Variants in ARHGAP39 observed in about 807,000 individuals in gnomAD.
ARHGAP39 encodes the protein Rho GTPase activating protein 39, also known as rho GTPase-activating protein 39.
In ARHGAP39, 44 loss-of-function variants were observed where a neutral mutation model predicts 106.9. That is an observed-to-expected ratio of 0.41 (90% CI 0.32 to 0.53). The LOEUF (loss-of-function observed/expected upper bound fraction) is 0.53, where lower values mean the gene tolerates loss of function less well. ARHGAP39 is among the 20% of genes least tolerant of loss of function. The pLI is 0.21. For synonymous variants in ARHGAP39, 768 were observed against 693.2 expected (o/e 1.11, Z -1.69); for missense variants, 1,496 against 1,577.3 (o/e 0.95, Z 0.87).
At chr8:144,674,255 G>A (rs1453268960) in intron 1 of ARHGAP39, among the ~76,000 whole-genome samples, 7 of 152,212 alleles carry the variant, frequency 4.6e-5, no homozygotes, top group Non-Finnish European at 1.0e-4. Flanking sequence ...TGAACAACTG[G>A]AGAGTGAGCG....
At chr8:144,597,429 C>T (rs1819662391) in intron 2 of ARHGAP39, among the ~76,000 whole-genome samples, 1 of 152,194 alleles carries the variant, frequency 6.6e-6, no homozygotes, top group South Asian at 2.1e-4. Context: ...AGGACTGCAG[C>T]TGGGGAGGAA....
rs1215887100 is a variant in ARHGAP39, at chr8:144,605,663, C to T, written c.-49G>A. 8.2e-6 allele frequency: 13 copies of T among 1,585,600 alleles called. No homozygotes were observed. Among genetic ancestry groups the T allele is most frequent in the Non-Finnish European group, 1.0e-5 (12 of 1,159,256 alleles). On this transcript the variant is annotated 5_prime_UTR_variant, in exon 2 of 12. Coordinates refer to ENST00000377307, the MANE Select transcript of ARHGAP39 (RefSeq NM_025251.3). ...TGGACAGACGTCAGGGCACCATACGCACAACGCCAGCATCAGACGGGAAGG... is the reference window on the plus strand; with the variant it reads ...TGGACAGACGTCAGGGCACCATACGTACAACGCCAGCATCAGACGGGAAGG...
At chr8:144,605,302 TAGAAAG>T (rs1820241776) in intron 2 of ARHGAP39, among the ~76,000 whole-genome samples, 4 of 151,742 alleles carry the variant, frequency 2.6e-5, no homozygotes, top group Admixed American at 1.3e-4. Flanking sequence ...AATCAAAAAT[TAGAAAG>T]AGAAAAACGA....
At chr8:144,657,180 A>G (rs1158297298) in intron 1 of ARHGAP39, among the ~76,000 whole-genome samples, 4 of 152,128 alleles carry the variant, frequency 2.6e-5, no homozygotes, top group African/African-American at 9.7e-5. Context: ...GATTGTTTGA[A>G]CCCAAAAGTT....
At chr8:144,574,274 C>T (rs559128377) in intron 3 of ARHGAP39, among the ~76,000 whole-genome samples, 42 of 151,958 alleles carry the variant, frequency 2.8e-4, no homozygotes, top group African/African-American at 9.7e-4. Context: ...GTGTCTCACA[C>T]GTATAATCCC....
chr8:144,534,338 C>T lies in ARHGAP39; in HGVS notation c.2615-136G>A, dbSNP rs539790693. The T allele has an allele frequency of 8.6e-5, 75 of 870,996 alleles. 1 individual carries two copies. In the East Asian group the frequency reaches 1.8e-3, roughly 21 times the overall value. 54.0% of individuals were successfully genotyped at this position (870,996 alleles called of 1,614,324 possible). On this transcript the variant is annotated intron_variant, in intron 7 of 11. Transcript: ENST00000377307. ...TGCCCCGGTCACCCCCTGCCCAGCA[C>T]AGCGGGTCCTCACACTCTCCCAGGC...
chr8:144,680,837 G>T (rs1290573341), intron 1 of ARHGAP39, among the ~76,000 whole-genome samples: 2 of 152,096 alleles, frequency 1.3e-5, no homozygotes, highest in Non-Finnish European at 2.9e-5. Context: ...AGACTGGTAC[G>T]AGTTTCATAA....
intron 1 of ARHGAP39, among the ~76,000 whole-genome samples, chr8:144,608,181 A>AAAAT (rs1243780533): frequency 3.4e-5 from 5 of 146,400 alleles, no homozygotes; most frequent in African/African-American, 7.6e-5. Context: ...AAAAAAAAAA[A>AAAAT]GGAAAAAGAA....
intron 3 of ARHGAP39, among the ~76,000 whole-genome samples, chr8:144,575,321 C>T (rs1818732221): frequency 6.6e-6 from 1 of 152,146 alleles, no homozygotes; most frequent in African/African-American, 2.4e-5. Flanking sequence ...TTTACTGTAA[C>T]TTTTTTACTT....
intron 2 of ARHGAP39, among the ~76,000 whole-genome samples, chr8:144,605,272 A>G (rs542743768): frequency 7.6e-4 from 115 of 152,284 alleles, no homozygotes; most frequent in Non-Finnish European, 1.4e-3. Flanking sequence ...TCAAGAAATA[A>G]ATCAATGAAT....
At chr8:144,639,926 G>T (rs1394534946) in intron 1 of ARHGAP39, among the ~76,000 whole-genome samples, 1 of 152,158 alleles carries the variant, frequency 6.6e-6, no homozygotes, top group Admixed American at 6.5e-5. Context: ...TAGGAAACTG[G>T]TTGCACTGAC....
chr8:144,619,801 CGT>C (rs560695902), intron 1 of ARHGAP39, among the ~76,000 whole-genome samples: 236 of 135,136 alleles, frequency 1.7e-3, no homozygotes, highest in Non-Finnish European at 2.9e-3. Flanking sequence ...AGCGCGTGCC[CGT>C]GTGTGTGAGC....
chr8:144,555,478 C>A, intron 4 of ARHGAP39, 82 bp downstream of exon 4: 1 of 1,214,130 alleles, frequency 8.2e-7, no homozygotes, highest in Non-Finnish European at 1.2e-6. Context: ...ACGCGCCAGG[C>A]ACCTCCCACT....
chr8:144,543,635 G>T (rs1817286150), intron 6 of ARHGAP39, among the ~76,000 whole-genome samples: 1 of 152,260 alleles, frequency 6.6e-6, no homozygotes, highest in Non-Finnish European at 1.5e-5. Context: ...CGCCCAGGCT[G>T]AAGCCTGATT....
At chr8:144,569,090 G>C (rs568620206) in intron 3 of ARHGAP39, among the ~76,000 whole-genome samples, 1 of 152,210 alleles carries the variant, frequency 6.6e-6, no homozygotes, top group East Asian at 1.9e-4. Flanking sequence ...AAAGACAAAA[G>C]AATAGGTAAA....
chr8:144,682,613 G>A (rs1307562518), intron 1 of ARHGAP39, among the ~76,000 whole-genome samples: 3 of 151,452 alleles, frequency 2.0e-5, no homozygotes, highest in African/African-American at 7.3e-5. Context: ...ATGTTACACT[G>A]CTGGTGATTC....
intron 1 of ARHGAP39, among the ~76,000 whole-genome samples, chr8:144,622,224 T>C (rs1383828804): frequency 1.3e-5 from 2 of 152,068 alleles, no homozygotes; most frequent in East Asian, 1.9e-4. Flanking sequence ...CGTGGGGGCC[T>C]TGGGGCACCA....
chr8:144,597,790 T>A (rs1427135256), intron 2 of ARHGAP39, among the ~76,000 whole-genome samples: 10 of 152,162 alleles, frequency 6.6e-5, no homozygotes, highest in African/African-American at 2.2e-4. Context: ...CAGAGAACGC[T>A]GGAGCTCAAC....
chr8:144,610,438 G>T (rs899236810), intron 1 of ARHGAP39, among the ~76,000 whole-genome samples: 1 of 152,162 alleles, frequency 6.6e-6, no homozygotes, highest in Non-Finnish European at 1.5e-5. Context: ...AGGGCCGGGC[G>T]TGGTGGCCCA....
Sources: allele counts gnomAD v4.1 joint callset (sites outside exome capture counted in the v4.1 genomes callset), GRCh38; gene constraint gnomAD v4.1.1; transcripts MANE v1.5; gene names NCBI Gene and HGNC (gene_info 2026-07-23, HGNC 2026-07-21).